Variants in SEMA6D observed in about 807,000 individuals in gnomAD.
SEMA6D encodes the protein semaphorin-6D.
A neutral mutation model predicts 106.6 loss-of-function variants in SEMA6D; 35 were observed. That is an observed-to-expected ratio of 0.33 (90% CI 0.25 to 0.44). The LOEUF (loss-of-function observed/expected upper bound fraction) is 0.44. Ranked by LOEUF, SEMA6D falls within the 20% of genes least tolerant of loss-of-function variation. The pLI, the probability that SEMA6D is intolerant of heterozygous loss-of-function variation, is 1.00. For synonymous variants in SEMA6D, 499 were observed against 487.7 expected, an observed-to-expected ratio of 1.02 and a Z score of -0.31; for missense variants, 1,185 against 1,345.9, an observed-to-expected ratio of 0.88 and a Z score of 1.87.
intron 1 of SEMA6D, among the ~76,000 whole-genome samples, chr15:47,280,505 G>A (rs377708191): frequency 0.31 from 37,757 of 122,852 alleles, 6,066 homozygotes; most frequent in Middle Eastern, 0.49. Flanking sequence ...TTTTTTGAAG[G>A]GTTTTTTGTG....
intron 2 of SEMA6D, among the ~76,000 whole-genome samples, chr15:47,451,259 G>C (rs1333723349): frequency 6.6e-6 from 1 of 152,004 alleles, no homozygotes; most frequent in Non-Finnish European, 1.5e-5. Flanking sequence ...GGAGCCCTGT[G>C]AACCCAAAAT....
chr15:47,762,717 G>A (rs1018026248), intron 8 of SEMA6D, among the ~76,000 whole-genome samples: 2 of 152,186 alleles, frequency 1.3e-5, no homozygotes, highest in Admixed American at 6.5e-5. Context: ...TATTTTCAGT[G>A]TAAGAGGTTT....
intron 1 of SEMA6D, among the ~76,000 whole-genome samples, chr15:47,750,876 T>G (rs1233068): frequency 6.6e-6 from 1 of 152,120 alleles, no homozygotes; most frequent in Non-Finnish European, 1.5e-5. Context: ...TGCATGCATG[T>G]GGTGGAGGGT....
At chr15:47,363,439 A>G (rs2038887631) in intron 1 of SEMA6D, among the ~76,000 whole-genome samples, 1 of 152,218 alleles carries the variant, frequency 6.6e-6, no homozygotes, top group African/African-American at 2.4e-5. Context: ...ACTTTTGAAG[A>G]ATTTCAAGAT....
chr15:47,538,005 A>G (rs1375585757), intron 3 of SEMA6D, among the ~76,000 whole-genome samples: 1 of 152,184 alleles, frequency 6.6e-6, no homozygotes, highest in Non-Finnish European at 1.5e-5. Context: ...GGCACAGAAC[A>G]TGAGACTGGA....
chr15:47,488,468 T>C (rs2043363929), intron 3 of SEMA6D, among the ~76,000 whole-genome samples: 1 of 146,418 alleles, frequency 6.8e-6, no homozygotes, highest in Non-Finnish European at 1.5e-5. Context: ...CAGTTAGATC[T>C]CATTTTTGAA....
chr15:47,431,713 C>T (rs891617076), intron 2 of SEMA6D, among the ~76,000 whole-genome samples: 1 of 152,194 alleles, frequency 6.6e-6, no homozygotes, highest in East Asian at 1.9e-4. Context: ...AAAAATGCTT[C>T]CTGTGTGATC....
At position 47,770,502 on chromosome 15, in the gene SEMA6D, C is replaced by G; in HGVS notation, c.1939C>G (p.Arg647Gly). 1.3e-6 allele frequency: 2 copies of G among 1,584,836 alleles called. No homozygotes were observed. Among genetic ancestry groups the G allele is most frequent in the Non-Finnish European group, 1.7e-6 (2 of 1,160,152 alleles). ...DPLSGIPKGV[R>G]WEVQSGESNQ... is the part of the protein sequence containing the mutation. ...GTCCCATGTGTCTATTTCAGGTGTA[C>G]GATGGGAAGTCCAGTCTGGAGAGTC... is the stretch of plus-strand genomic sequence containing the variant. The change falls in exon 19 of 19, where the codon CGA becomes GGA. Residue 647 changes from arginine (R) to glycine (G), a missense_variant. Physicochemically the swap from Arg to Gly is moderately radical, Grantham distance 125. Coordinates refer to ENST00000536845, the MANE Select transcript of SEMA6D (RefSeq NM_001358351.3).
intron 1 of SEMA6D, among the ~76,000 whole-genome samples, chr15:47,384,927 A>G (rs925925939): frequency 1.5e-5 from 2 of 133,364 alleles, no homozygotes; most frequent in Non-Finnish European, 3.1e-5. Flanking sequence ...TCTCAAGTGT[A>G]TTTGCAAAAT....
At chr15:47,428,045 G>A (rs2041400806) in intron 2 of SEMA6D, among the ~76,000 whole-genome samples, 1 of 152,022 alleles carries the variant, frequency 6.6e-6, no homozygotes, top group Non-Finnish European at 1.5e-5. Context: ...CAAGATTTAG[G>A]TGTTTCATCA....
At chr15:47,488,615 G>A (rs1417117037) in intron 3 of SEMA6D, among the ~76,000 whole-genome samples, 1 of 152,134 alleles carries the variant, frequency 6.6e-6, no homozygotes, top group Middle Eastern at 3.2e-3. Context: ...GATGACTTTT[G>A]ATTTGAGAAT....
chr15:47,384,170 C>T lies in SEMA6D; in HGVS notation c.-238-28223C>T, dbSNP rs145297395. Reference sequence around the variant, plus strand: ...GCTTTCACACGAGGTCCTCCCAACCCAGTGACAACAGTTGTATTAAAGGAA... The same window carrying T: ...GCTTTCACACGAGGTCCTCCCAACCTAGTGACAACAGTTGTATTAAAGGAA... On this transcript the variant is annotated intron_variant, in intron 1 of 19. Coordinates refer to the SEMA6D transcript ENST00000558014. Among the ~76,000 whole-genome samples the T allele has an allele frequency of 2.4e-3, 369 of 152,268 alleles. 4 individuals are homozygous for T. The highest frequency in any genetic ancestry group is 8.6e-3 in the African/African-American group (358 of 41,546).
chr15:47,235,138 C>T (rs763508482), intron 1 of SEMA6D, among the ~76,000 whole-genome samples: 1 of 151,996 alleles, frequency 6.6e-6, no homozygotes, highest in African/African-American at 2.4e-5. Context: ...ATTTATATAT[C>T]TTTTGAGAAA....
chr15:47,487,934 T>C (rs2043345838), intron 3 of SEMA6D, among the ~76,000 whole-genome samples: 1 of 152,184 alleles, frequency 6.6e-6, no homozygotes. Flanking sequence ...GGTGAGTGGT[T>C]AGAGGCAAGA....
At chr15:47,555,422 T>C (rs2045887868) in intron 3 of SEMA6D, among the ~76,000 whole-genome samples, 2 of 152,222 alleles carry the variant, frequency 1.3e-5, no homozygotes, top group African/African-American at 4.8e-5. Context: ...CATAATATCT[T>C]AAAACACTAC....
chr15:47,521,042 A>G (rs2044555073), intron 3 of SEMA6D, among the ~76,000 whole-genome samples: 1 of 152,146 alleles, frequency 6.6e-6, no homozygotes, highest in East Asian at 1.9e-4. Context: ...GTTGGAACCA[A>G]AGTAGAACTG....
chr15:47,348,371 G>C (rs623254), intron 1 of SEMA6D, among the ~76,000 whole-genome samples: 80,860 of 151,820 alleles, frequency 0.53, 24,636 homozygotes, highest in African/African-American at 0.85. Flanking sequence ...AGGATTTAAT[G>C]ACTTAATATA....
chr15:47,384,204 C>A (rs1211955049), intron 1 of SEMA6D, among the ~76,000 whole-genome samples: 1 of 152,168 alleles, frequency 6.6e-6, no homozygotes, highest in Admixed American at 6.5e-5. Flanking sequence ...AATAGAAAAG[C>A]CCAAACATTG....
chr15:47,425,558 C>T lies in SEMA6D; in HGVS notation c.-159+13086C>T, dbSNP rs536756551. Among the ~76,000 whole-genome samples the T allele has an allele frequency of 9.2e-5, 14 of 152,036 alleles. No individual in the cohort carries two copies. The East Asian group carries it at 2.7e-3, about 30-fold the overall frequency. On this transcript the variant is annotated intron_variant, in intron 2 of 19. Coordinates refer to the SEMA6D transcript ENST00000558014. ...AGGAACATTAATTCCTTGTACTGTGCTTTAGCTTTTTTACCCCTTGGAATA... is the reference window on the plus strand; with the variant it reads ...AGGAACATTAATTCCTTGTACTGTGTTTTAGCTTTTTTACCCCTTGGAATA...
Sources: allele counts gnomAD v4.1 joint callset (sites outside exome capture counted in the v4.1 genomes callset), GRCh38; gene constraint gnomAD v4.1.1; transcripts MANE v1.5; gene names NCBI Gene and HGNC (gene_info 2026-07-23, HGNC 2026-07-21).